CTNNA2: variants seen among roughly 807,000 people sequenced by gnomAD.
CTNNA2 encodes catenin alpha-2.
A neutral mutation model predicts 101.0 loss-of-function variants in CTNNA2; 42 were observed. The observed-to-expected ratio is 0.42, with a 90% confidence interval of 0.32 to 0.54. The LOEUF is 0.54. CTNNA2 is among the 20% of genes least tolerant of loss of function. CTNNA2 has a pLI of 0.14. For missense variants in CTNNA2, 871 were observed against 1,223.1 expected (o/e 0.71, Z 4.29); for synonymous variants, 450 against 456.4 (o/e 0.99, Z 0.18).
intron 7 of CTNNA2, among the ~76,000 whole-genome samples, chr2:80,243,527 C>G (rs988559633): frequency 6.6e-6 from 1 of 152,158 alleles, no homozygotes; most frequent in East Asian, 1.9e-4. Context: ...AAACAATATG[C>G]ACTCTTTTTG....
intron 7 of CTNNA2, among the ~76,000 whole-genome samples, chr2:80,105,536 C>G (rs1558813733): frequency 6.6e-6 from 1 of 152,016 alleles, no homozygotes; most frequent in Non-Finnish European, 1.5e-5. Context: ...CCAGCCTGGG[C>G]AACATAGTGA....
chr2:79,437,230 C>T (rs1678726384), intron 4 of CTNNA2, among the ~76,000 whole-genome samples: 1 of 104,228 alleles, frequency 9.6e-6, no homozygotes, highest in African/African-American at 3.1e-5. Flanking sequence ...GTGAAACTGT[C>T]TCAAAAAAAA....
At chr2:79,503,397 C>A (rs1019195603) in intron 4 of CTNNA2, among the ~76,000 whole-genome samples, 3 of 152,082 alleles carry the variant, frequency 2.0e-5, no homozygotes, top group African/African-American at 4.8e-5. Flanking sequence ...AGGCCTTTGG[C>A]GTGTCATATT....
intron 2 of CTNNA2, among the ~76,000 whole-genome samples, chr2:79,731,479 C>T (rs1687189834): frequency 6.6e-6 from 1 of 152,048 alleles, no homozygotes; most frequent in African/African-American, 2.4e-5. Context: ...AAAACCCATA[C>T]AGGTATAAAA....
intron 3 of CTNNA2, among the ~76,000 whole-genome samples, chr2:79,804,697 T>G (rs1676433458): frequency 6.6e-6 from 1 of 152,168 alleles, no homozygotes; most frequent in Non-Finnish European, 1.5e-5. Flanking sequence ...ATACATAAGT[T>G]TAGATATTGA....
intron 7 of CTNNA2, among the ~76,000 whole-genome samples, chr2:80,140,355 C>T (rs574112615): frequency 3.9e-5 from 6 of 152,276 alleles, no homozygotes; most frequent in Admixed American, 2.0e-4. Context: ...GTCACCACCT[C>T]GGGCATGCCA....
intron 4 of CTNNA2, among the ~76,000 whole-genome samples, chr2:79,399,431 C>A (rs1352817308): frequency 6.6e-6 from 1 of 152,032 alleles, no homozygotes; most frequent in Non-Finnish European, 1.5e-5. Context: ...TTTAAACTGC[C>A]TACCAAAGCA....
chr2:80,147,166 A>T (rs866336288), intron 7 of CTNNA2, among the ~76,000 whole-genome samples: 5 of 151,906 alleles, frequency 3.3e-5, no homozygotes, highest in Non-Finnish European at 2.9e-5. Context: ...GGATTTCACT[A>T]TGTTGGTCAG....
intron 3 of CTNNA2, among the ~76,000 whole-genome samples, chr2:79,852,808 T>A (rs1574134633): frequency 6.6e-6 from 1 of 152,230 alleles, no homozygotes; most frequent in East Asian, 1.9e-4. Flanking sequence ...GCCAGAATGG[T>A]CTCGATCTCT....
At chr2:80,623,293 C>G (rs1671333544) in intron 18 of CTNNA2, among the ~76,000 whole-genome samples, 1 of 151,728 alleles carries the variant, frequency 6.6e-6, no homozygotes, top group South Asian at 2.1e-4. Flanking sequence ...GAACTAGTAA[C>G]TATGATGATA....
intron 8 of CTNNA2, among the ~76,000 whole-genome samples, chr2:80,409,931 A>G (rs187992032): frequency 6.6e-6 from 1 of 152,310 alleles, no homozygotes; most frequent in Admixed American, 6.5e-5. Context: ...TAGTTTTTCA[A>G]GAATGAATAT....
intron 7 of CTNNA2, among the ~76,000 whole-genome samples, chr2:80,339,201 G>T (rs1672014789): frequency 1.3e-5 from 2 of 152,120 alleles, no homozygotes; most frequent in African/African-American, 2.4e-5. Context: ...ATGTGTGTGT[G>T]TGTATCACAC....
At chr2:79,423,998 CT>C (rs375263201) in intron 4 of CTNNA2, among the ~76,000 whole-genome samples, 24 of 152,122 alleles carry the variant, frequency 1.6e-4, no homozygotes, top group Middle Eastern at 3.4e-3. Flanking sequence ...TCTTTTAATG[CT>C]CTCCACTGCT....
At chr2:79,403,119 CATAA>C (rs1302930516) in intron 4 of CTNNA2, among the ~76,000 whole-genome samples, 2 of 151,532 alleles carry the variant, frequency 1.3e-5, no homozygotes, top group African/African-American at 4.8e-5. Flanking sequence ...AAAACTAAAG[CATAA>C]ATAAAGAAAA....
At chr2:79,322,336 C>A (rs1425972202) in intron 3 of CTNNA2, among the ~76,000 whole-genome samples, 1 of 152,298 alleles carries the variant, frequency 6.6e-6, no homozygotes, top group South Asian at 2.1e-4. Context: ...GAGACACTGA[C>A]CTGGCTTTGC....
chr2:79,726,809 T>C, intron 2 of CTNNA2, among the ~76,000 whole-genome samples: 1 of 152,326 alleles, frequency 6.6e-6, no homozygotes, highest in East Asian at 1.9e-4. Flanking sequence ...GTTAGGTTGA[T>C]TGATTTACTT....
intron 2 of CTNNA2, among the ~76,000 whole-genome samples, chr2:79,265,053 G>T (rs750328496): frequency 6.6e-6 from 1 of 152,100 alleles, no homozygotes; most frequent in African/African-American, 2.4e-5. Flanking sequence ...GGAAGATTTA[G>T]CCTCTCATCC....
chr2:79,955,243 A>G (rs554572985), intron 7 of CTNNA2, among the ~76,000 whole-genome samples: 6 of 152,226 alleles, frequency 3.9e-5, no homozygotes, highest in Admixed American at 3.9e-4. Context: ...CCTCCCTTTT[A>G]TTGTGATTCA....
rs1450031773 is a variant in CTNNA2 at position 79,592,431 on chromosome 2, C to A, written c.-5-59121C>A. 2.6e-5 allele frequency among the ~76,000 whole-genome samples: 4 copies of A among 152,108 alleles called. No individual in the cohort carries two copies. The South Asian group carries it at 6.2e-4, about 24-fold the overall frequency. ...ACAGGCATGAGCCACCATGCCTGGC[C>A]GATTAATTACATCTTGTAGTGATGC... is the stretch of plus-strand genomic sequence containing the variant. On this transcript the variant is annotated intron_variant, in intron 1 of 18. Transcript: ENST00000402739.
Sources: allele counts gnomAD v4.1 joint callset (sites outside exome capture counted in the v4.1 genomes callset), GRCh38; gene constraint gnomAD v4.1.1; transcripts MANE v1.5; gene names NCBI Gene and HGNC (gene_info 2026-07-23, HGNC 2026-07-21).